The following LHFPL6 variants were observed in gnomAD, a reference collection of about 807,000 sequenced individuals.
The protein encoded by LHFPL6 is LHFPL tetraspan subfamily member 6 protein.
In LHFPL6, 9 loss-of-function variants were observed where a neutral mutation model predicts 20.6. The observed-to-expected ratio is 0.44, with a 90% CI of 0.26 to 0.76. The LOEUF (loss-of-function observed/expected upper bound fraction) is 0.76, where lower values mean the gene tolerates loss of function less well. Among genes scored for constraint, LHFPL6 ranks in the 30% least tolerant of loss-of-function variants. LHFPL6 has a pLI of 0.20. For synonymous variants in LHFPL6, 105 were observed against 98.7 expected (o/e 1.06, Z -0.38); for missense variants, 218 against 253.5 (o/e 0.86, Z 0.95).
chr13:39,494,133 G>C (rs1018624183), intron 2 of LHFPL6, among the ~76,000 whole-genome samples: 1 of 152,194 alleles, frequency 6.6e-6, no homozygotes, highest in African/African-American at 2.4e-5. Flanking sequence ...AATGTCCTGG[G>C]CAGGTGGTGT....
intron 2 of LHFPL6, among the ~76,000 whole-genome samples, chr13:39,598,361 A>G (rs1872830953): frequency 6.6e-6 from 1 of 151,448 alleles, no homozygotes; most frequent in Non-Finnish European, 1.5e-5. Context: ...CTTTTTCCAT[A>G]TTTCAAGTTA....
intron 2 of LHFPL6, among the ~76,000 whole-genome samples, chr13:39,457,388 A>C (rs1872595692): frequency 6.6e-6 from 1 of 152,194 alleles, no homozygotes; most frequent in African/African-American, 2.4e-5. Context: ...GTTCAACATC[A>C]CTAGTTATTA....
At chr13:39,458,301 G>T (rs79911874) in intron 2 of LHFPL6, among the ~76,000 whole-genome samples, 2,502 of 152,166 alleles carry the variant, frequency 0.016, 66 homozygotes, top group African/African-American at 0.058. Flanking sequence ...AAAAGTACAG[G>T]CTAAGAAAAG....
intron 2 of LHFPL6, among the ~76,000 whole-genome samples, chr13:39,592,893 G>A (rs940300373): frequency 2.0e-5 from 3 of 152,326 alleles, no homozygotes; most frequent in South Asian, 2.1e-4. Context: ...CTCCATAGAT[G>A]CAGGAAAGGC....
chr13:39,370,771 G>A (rs566163223), intron 3 of LHFPL6, among the ~76,000 whole-genome samples: 10 of 152,334 alleles, frequency 6.6e-5, no homozygotes, highest in African/African-American at 2.4e-4. Flanking sequence ...AGTCATAGGA[G>A]CTTTCTAACT....
At chr13:39,531,577 G>A (rs1272674855) in intron 2 of LHFPL6, among the ~76,000 whole-genome samples, 5 of 152,064 alleles carry the variant, frequency 3.3e-5, no homozygotes. Flanking sequence ...AATTTAAACT[G>A]GGAATTCCAA....
At chr13:39,460,860 G>GT (rs1872671610) in intron 2 of LHFPL6, among the ~76,000 whole-genome samples, 1 of 152,086 alleles carries the variant, frequency 6.6e-6, no homozygotes, top group African/African-American at 2.4e-5. Flanking sequence ...TAGGTTCAGG[G>GT]GGTGCATGTG....
chr13:39,462,966 A>G (rs12584721), intron 2 of LHFPL6, among the ~76,000 whole-genome samples: 26 of 152,004 alleles, frequency 1.7e-4, no homozygotes, highest in African/African-American at 6.0e-4. Flanking sequence ...CAGTTCTCCA[A>G]AAAGGGTGCC....
chr13:39,479,663 T>C (rs1868438033), intron 2 of LHFPL6, among the ~76,000 whole-genome samples: 1 of 152,200 alleles, frequency 6.6e-6, no homozygotes, highest in Admixed American at 6.5e-5. Flanking sequence ...TGCCAGACAT[T>C]GTGCTAAATG....
chr13:39,352,982 T>C (rs1169443366), intron 3 of LHFPL6, among the ~76,000 whole-genome samples: 16 of 132,684 alleles, frequency 1.2e-4, no homozygotes, highest in East Asian at 7.1e-4. Flanking sequence ...CATATATATA[T>C]ATATATAATT....
chr13:39,534,226 C>G (rs1233810917), intron 2 of LHFPL6, among the ~76,000 whole-genome samples: 2 of 152,132 alleles, frequency 1.3e-5, no homozygotes, highest in Non-Finnish European at 2.9e-5. Flanking sequence ...AAAAATGGAA[C>G]TTGATCCTGT....
intron 2 of LHFPL6, among the ~76,000 whole-genome samples, chr13:39,382,680 G>A (rs149446468): frequency 1.5e-4 from 23 of 152,148 alleles, no homozygotes; most frequent in Admixed American, 2.6e-4. Flanking sequence ...GAGCCACTGC[G>A]CCCAGCCACA....
intron 2 of LHFPL6, among the ~76,000 whole-genome samples, chr13:39,575,682 G>C (rs1340268943): frequency 6.6e-6 from 1 of 152,202 alleles, no homozygotes; most frequent in Non-Finnish European, 1.5e-5. Flanking sequence ...CGGTCAAAAA[G>C]TTCAAAATTC....
At chr13:39,352,415 C>T (rs1399327661) in intron 3 of LHFPL6, among the ~76,000 whole-genome samples, 1 of 152,218 alleles carries the variant, frequency 6.6e-6, no homozygotes, top group African/African-American at 2.4e-5. Flanking sequence ...ATGGTAGCGC[C>T]CTCCACTGTG....
chr13:39,510,418 G>C lies in LHFPL6; in HGVS notation c.385+90414C>G, dbSNP rs565753324. 3.9e-5 allele frequency among the ~76,000 whole-genome samples: 6 copies of C among 152,324 alleles called. No individual in the cohort carries two copies. In the South Asian group the frequency reaches 1.2e-3, roughly 32 times the overall value. On this transcript the variant is annotated intron_variant, in intron 2 of 3. Coordinates refer to ENST00000379589, the MANE Select transcript of LHFPL6 (RefSeq NM_005780.3). ...GCGATGTCTGTAGTAACTGCCAAGA[G>C]AGCTGTTTGTTTCTCCCCAGGGGTA...
At chr13:39,473,663 C>A (rs1873006742) in intron 2 of LHFPL6, among the ~76,000 whole-genome samples, 1 of 152,190 alleles carries the variant, frequency 6.6e-6, no homozygotes, top group Non-Finnish European at 1.5e-5. Flanking sequence ...TCAGTTTCTA[C>A]AGAAGTCCTA....
chr13:39,396,190 G>A (rs1344087962), intron 2 of LHFPL6, among the ~76,000 whole-genome samples: 1 of 152,118 alleles, frequency 6.6e-6, no homozygotes, highest in African/African-American at 2.4e-5. Flanking sequence ...ATGCAGAGCA[G>A]AGATGTTGCC....
At chr13:39,444,100 G>A (rs927197240) in intron 2 of LHFPL6, among the ~76,000 whole-genome samples, 3 of 152,138 alleles carry the variant, frequency 2.0e-5, no homozygotes, top group Admixed American at 1.3e-4. Context: ...AGAACTTCAT[G>A]GAATTATGTC....
intron 2 of LHFPL6, among the ~76,000 whole-genome samples, chr13:39,501,278 T>C (rs1359090493): frequency 2.0e-5 from 3 of 152,356 alleles, no homozygotes; most frequent in East Asian, 1.9e-4. Flanking sequence ...ACCTCCTATG[T>C]GGATACACCA....
Sources: allele counts gnomAD v4.1 joint callset (sites outside exome capture counted in the v4.1 genomes callset), GRCh38; gene constraint gnomAD v4.1.1; transcripts MANE v1.5; gene names NCBI Gene and HGNC (gene_info 2026-07-23, HGNC 2026-07-21).